ISLR2: variants seen among roughly 807,000 people sequenced by gnomAD.
ISLR2 encodes immunoglobulin superfamily containing leucine-rich repeat protein 2.
ISLR2 carries 16 observed loss-of-function variants against 25.5 expected under a neutral mutation model. The ratio of observed to expected loss-of-function variants is 0.63; its 90% confidence interval spans 0.43 to 0.95. The LOEUF is 0.95. Among genes scored for constraint, ISLR2 ranks in the 40% least tolerant of loss-of-function variants. The pLI, the probability that ISLR2 is intolerant of heterozygous loss-of-function variation, is 0.00. For synonymous variants in ISLR2, 508 were observed against 486.6 expected (o/e 1.04, Z -0.58); for missense variants, 883 against 1,030.7 (o/e 0.86, Z 1.96).
At chr15:74,128,721 C>T (rs936152198), upstream of ISLR2, 2 of 452,334 alleles carry the variant, frequency 4.4e-6, no homozygotes, top group Non-Finnish European at 4.4e-6. Context: ...CCCGAAAAGT[C>T]CCCTGGACAC....
chr15:74,106,107 C>G (rs759895601), intron 2 of ISLR2, among the ~76,000 whole-genome samples: 10 of 152,152 alleles, frequency 6.6e-5, no homozygotes, highest in Non-Finnish European at 1.5e-4. Flanking sequence ...GGGAGGATCA[C>G]TTGAGCCCAG....
chr15:74,110,417 C>T (rs1408604408), intron 2 of ISLR2, among the ~76,000 whole-genome samples: 6 of 152,162 alleles, frequency 3.9e-5, no homozygotes, highest in Non-Finnish European at 7.4e-5. Flanking sequence ...CATGATTGTT[C>T]GTGGCAGATT....
rs745490601 is a variant in ISLR2, at chr15:74,133,664, G to T, written c.910G>T (p.Gly304Ter). 1 of 1,610,720 alleles carries T rather than the reference G, an allele frequency of 6.2e-7. No individual in the cohort carries two copies. Among genetic ancestry groups the T allele is most frequent in the Non-Finnish European group, 8.5e-7 (1 of 1,178,572 alleles). ...TGGGGCGGAGGAAGGAGAGGGAGAA[G>T]GAGATGGGGATTTGCTGACGCAGAC... ...GVGAEEGEGE[G>*]DGDLLTQTQA... The change falls in exon 3 of 3, where the codon GGA (glycine) becomes TGA (stop). Residue 304 changes from glycine to a stop codon, truncating the protein, a stop_gained. Transcript: ENST00000453268. LOFTEE classifies it high-confidence loss of function.
intron 2 of ISLR2, among the ~76,000 whole-genome samples, chr15:74,109,817 G>A (rs888709002): frequency 5.3e-5 from 8 of 152,040 alleles, no homozygotes; most frequent in Admixed American, 2.6e-4. Flanking sequence ...TTTATTTAAC[G>A]CAGGGTTTTG....
intron 2 of ISLR2, chr15:74,131,803 G>A (rs887597896): frequency 6.6e-6 from 1 of 152,402 alleles, no homozygotes; most frequent in South Asian, 2.1e-4. Flanking sequence ...CCGTAAGGAA[G>A]GTTGGCAGAG....
At chr15:74,112,002 AG>A (rs1328443969) in intron 2 of ISLR2, among the ~76,000 whole-genome samples, 1 of 152,228 alleles carries the variant, frequency 6.6e-6, no homozygotes, top group African/African-American at 2.4e-5. Context: ...GAACCTTTGG[AG>A]GAAACTGAGT....
rs535468078 is a variant in ISLR2, at chr15:74,133,488, C to T, written c.734C>T (p.Ala245Val). ...VHLSAEPPLE[A>V]PGTPLRAGLA... ...CTGAGTGCCGAGCCACCGCTTGAAG[C>T]ACCCGGCACCCCACTGCGCGCAGGA... Residue 245 changes from alanine (A) to valine (V), a missense_variant, in exon 3 of 3, where the codon GCA becomes GTA. By Grantham distance (64) the Ala-to-Val change is moderately conservative (BLOSUM62 0). This residue lies in a region of ISLR2 where 271 missense variants were observed against 387.9 expected (regional missense o/e 0.70). Transcript: ENST00000453268. 3.5e-5 allele frequency: 57 copies of T among 1,613,562 alleles called. No individual in the cohort carries two copies. Among genetic ancestry groups the T allele is most frequent in the Non-Finnish European group, 4.3e-5 (51 of 1,179,892 alleles).
intron 2 of ISLR2, among the ~76,000 whole-genome samples, chr15:74,113,134 T>C (rs1444698631): frequency 6.6e-6 from 1 of 152,226 alleles, no homozygotes; most frequent in Non-Finnish European, 1.5e-5. Flanking sequence ...GCAGTTCACA[T>C]TAGGGTTCAC....
upstream of ISLR2, chr15:74,125,900 A>C (rs1194637309): frequency 6.6e-6 from 1 of 152,266 alleles, no homozygotes; most frequent in Non-Finnish European, 1.5e-5. Context: ...TTAAAGTCAC[A>C]AAGTCCAATA....
chr15:74,138,033 TTC>T (rs1183356005), downstream of ISLR2, among the ~76,000 whole-genome samples: 1 of 152,198 alleles, frequency 6.6e-6, no homozygotes, highest in Non-Finnish European at 1.5e-5. Context: ...TCTGTACATC[TTC>T]TTGGTGAATT....
chr15:74,125,158 T>C (rs1427189615), upstream of ISLR2, among the ~76,000 whole-genome samples: 1 of 152,162 alleles, frequency 6.6e-6, no homozygotes, highest in East Asian at 1.9e-4. Flanking sequence ...CCTGCCTGAA[T>C]TGGGGTGGGA....
rs754814726 is a variant in ISLR2, at chr15:74,134,829, G to A, written c.2075G>A (p.Arg692Lys). Residue 692 changes from arginine (R) to lysine (K), a missense_variant, in exon 3 of 3, where the codon AGA becomes AAA. Physicochemically the swap from Arg to Lys is conservative, Grantham distance 26 (BLOSUM62 2). Around this residue, in one of 2 missense-constraint regions of ISLR2, gnomAD observed 612 missense variants for 642.8 expected, o/e 0.95. Transcript: ENST00000453268. ...GGAGACCCAAGTGGGGACCTGCAGA[G>A]AGAGGAGAGCCTGGCGGCCTGCTCA... is the stretch of plus-strand genomic sequence containing the variant. ...EQGDPSGDLQ[R>K]EESLAACSLV... The A allele has an allele frequency of 1.9e-5, 30 of 1,614,040 alleles. No homozygotes were observed. The highest frequency in any genetic ancestry group is 2.3e-5 in the Non-Finnish European group (27 of 1,180,040).
Position 74,132,625 on chromosome 15 carries a change from G to T in ISLR2, c.-8-122G>T. The T allele has an allele frequency of 3.0e-6, 4 of 1,334,892 alleles. No individual in the cohort carries two copies. Among genetic ancestry groups the T allele is most frequent in the African/African-American group, 2.9e-5 (2 of 67,824 alleles). The allele number at this position is 1,334,892 out of a possible 1,614,324, so 82.7% of individuals were successfully genotyped here. A position where few individuals can be genotyped will look rare whatever the true frequency, so the allele number is the denominator to read the frequency against. On this transcript the variant is annotated intron_variant, in intron 2 of 2. Coordinates refer to ENST00000453268, the MANE Select transcript of ISLR2 (RefSeq NM_020851.3). This position sits in a 1 kb window ranked among gnomAD's most constrained non-coding sequence, Gnocchi z 4.3. ...CTTCAGAGAGGCTCCTGGCCATAGA[G>T]GAGGTTACCGGAGCCCTGGAACTAG...
At chr15:74,137,600 C>G (rs892233177), downstream of ISLR2, among the ~76,000 whole-genome samples, 3 of 152,184 alleles carry the variant, frequency 2.0e-5, no homozygotes, top group African/African-American at 7.2e-5. Context: ...GTGCTCCTGG[C>G]CAGCCTAAAA....
At chr15:74,123,515 C>A (rs1334155977), upstream of ISLR2, among the ~76,000 whole-genome samples, 1 of 152,214 alleles carries the variant, frequency 6.6e-6, no homozygotes, top group Non-Finnish European at 1.5e-5. Context: ...TTGCTTAAGA[C>A]CACTTAGAGA....
chr15:74,102,951 G>A (rs368574581), intron 1 of ISLR2, among the ~76,000 whole-genome samples: 3 of 151,648 alleles, frequency 2.0e-5, no homozygotes, highest in African/African-American at 7.3e-5. Flanking sequence ...GGGACTACAA[G>A]CACCCACCAT....
intron 1 of ISLR2, among the ~76,000 whole-genome samples, chr15:74,103,389 G>A (rs1351440804): frequency 2.0e-5 from 3 of 150,178 alleles, no homozygotes; most frequent in Non-Finnish European, 4.4e-5. Flanking sequence ...GATCACTCGA[G>A]GCCAGGAGTT....
downstream of ISLR2, among the ~76,000 whole-genome samples, chr15:74,140,772 T>A (rs1169216773): frequency 6.6e-6 from 1 of 152,258 alleles, no homozygotes; most frequent in Non-Finnish European, 1.5e-5. Context: ...CCATTTCAGT[T>A]GTAATGTGTC....
chr15:74,128,421 G>T (rs1186491976), upstream of ISLR2: 2 of 455,542 alleles, frequency 4.4e-6, no homozygotes, highest in South Asian at 3.1e-5. Flanking sequence ...TGGTCACCGC[G>T]TCCTTAACCA....
Sources: allele counts gnomAD v4.1 joint callset (sites outside exome capture counted in the v4.1 genomes callset), GRCh38; gene constraint gnomAD v4.1.1; regional missense constraint gnomAD v4.1.1; non-coding constraint Gnocchi (gnomAD v3.1); transcripts MANE v1.5; gene names NCBI Gene and HGNC (gene_info 2026-07-23, HGNC 2026-07-21).